The following GRM7 variants were observed in gnomAD, a reference collection of about 807,000 sequenced individuals.
GRM7 encodes the protein glutamate metabotropic receptor 7, also known as metabotropic glutamate receptor 7.
GRM7 carries 35 observed loss-of-function variants against 84.5 expected under a neutral mutation model. The observed-to-expected ratio is 0.41, with a 90% CI of 0.32 to 0.55. The LOEUF (loss-of-function observed/expected upper bound fraction) is 0.55. Ranked by LOEUF, GRM7 falls within the 20% of genes least tolerant of loss-of-function variation. GRM7 has a pLI of 0.19. For synonymous variants in GRM7, 487 were observed against 455.1 expected, an observed-to-expected ratio of 1.07 and a Z score of -0.89; for missense variants, 1,003 against 1,194.6, an observed-to-expected ratio of 0.84 and a Z score of 2.36.
intron 4 of GRM7, among the ~76,000 whole-genome samples, chr3:7,359,255 T>TGTGTG (rs754428287): frequency 3.7e-5 from 5 of 136,512 alleles, no homozygotes; most frequent in Non-Finnish European, 4.7e-5. Context: ...TGTGTGTGTG[T>TGTGTG]TGTGGTTTTA....
chr3:7,098,541 G>T (rs998075992), intron 1 of GRM7, among the ~76,000 whole-genome samples: 2 of 151,786 alleles, frequency 1.3e-5, no homozygotes, highest in Non-Finnish European at 2.9e-5. Context: ...TATATCACTT[G>T]TCCCACATAT....
At chr3:6,927,583 GAA>G (rs924191806) in intron 1 of GRM7, among the ~76,000 whole-genome samples, 3 of 151,876 alleles carry the variant, frequency 2.0e-5, no homozygotes, top group African/African-American at 7.3e-5. Flanking sequence ...GAAAAATTTA[GAA>G]AAAAATATAC....
rs552589573 is a variant in GRM7 at position 7,706,639 on chromosome 3, T to C, written c.2698+26344T>C. Among the ~76,000 whole-genome samples, 325 of 152,316 alleles carry C rather than the reference T, an allele frequency of 2.1e-3. 1 individual carries two copies. The highest frequency in any genetic ancestry group is 6.8e-3 in the Middle Eastern group (2 of 294). ...GTGGAGTCCTGTCCACATGCAGTCATAGACATGTTACTTTCCTGTATCTTT... is the reference window on the plus strand; with the variant it reads ...GTGGAGTCCTGTCCACATGCAGTCACAGACATGTTACTTTCCTGTATCTTT... On this transcript the variant is annotated intron_variant, in intron 9 of 9. Coordinates refer to ENST00000357716, the MANE Select transcript of GRM7 (RefSeq NM_000844.4).
At chr3:7,645,797 C>T (rs978538465) in intron 8 of GRM7, among the ~76,000 whole-genome samples, 2 of 152,096 alleles carry the variant, frequency 1.3e-5, no homozygotes, top group African/African-American at 4.8e-5. Flanking sequence ...CATTTAGCCC[C>T]CACAGGTGGT....
At chr3:7,139,545 C>T (rs186261009) in intron 1 of GRM7, among the ~76,000 whole-genome samples, 2 of 151,774 alleles carry the variant, frequency 1.3e-5, no homozygotes, top group African/African-American at 2.4e-5. Flanking sequence ...CATATGAGAG[C>T]GTGAATTCAT....
Position 7,475,033 on chromosome 3 carries a change from A to T in GRM7, c.1515+13311A>T, listed in dbSNP as rs564278766. ...GTGGATTCCTTACAAACTCCTCAAC[A>T]AATACACAACTATTCAGTTGTAGGG... On this transcript the variant is annotated intron_variant, in intron 7 of 9. Transcript: ENST00000357716. Among the ~76,000 whole-genome samples, 7 of 152,326 alleles carry T rather than the reference A, an allele frequency of 4.6e-5. No individual in the cohort carries two copies. In the South Asian group the frequency reaches 1.5e-3, roughly 32 times the overall value.
chr3:7,403,113 T>A (rs1695520842), intron 4 of GRM7: 1 of 431,334 alleles, frequency 2.3e-6, no homozygotes, highest in African/African-American at 2.0e-5. Flanking sequence ...AACGTGAAGC[T>A]TCTACAATGC....
At chr3:7,424,513 C>A (rs964346194) in intron 5 of GRM7, among the ~76,000 whole-genome samples, 6 of 152,074 alleles carry the variant, frequency 3.9e-5, no homozygotes, top group Admixed American at 1.3e-4. Context: ...GTAAGTAATG[C>A]CCTGTTTTTA....
intron 2 of GRM7, among the ~76,000 whole-genome samples, chr3:7,196,286 G>A (rs1695876476): frequency 6.6e-6 from 1 of 152,088 alleles, no homozygotes; most frequent in Non-Finnish European, 1.5e-5. Context: ...AGGACAATTT[G>A]CTCTACTCAA....
intron 2 of GRM7, among the ~76,000 whole-genome samples, chr3:7,196,468 A>T: frequency 6.6e-6 from 1 of 152,062 alleles, no homozygotes; most frequent in East Asian, 1.9e-4. Context: ...TCTCAGCTTC[A>T]TCTTGGACCA....
At chr3:7,556,910 G>A (rs554990022) in intron 7 of GRM7, among the ~76,000 whole-genome samples, 26 of 152,252 alleles carry the variant, frequency 1.7e-4, no homozygotes, top group South Asian at 1.0e-3. Flanking sequence ...GCTCAGCTAT[G>A]GTAAACCTCT....
chr3:7,330,422 A>C (rs1246596020), intron 4 of GRM7, among the ~76,000 whole-genome samples: 1 of 152,118 alleles, frequency 6.6e-6, no homozygotes, highest in African/African-American at 2.4e-5. Flanking sequence ...TGTAACAGCC[A>C]TACAGGCTTA....
intron 5 of GRM7, among the ~76,000 whole-genome samples, chr3:7,446,814 A>G (rs1288353352): frequency 6.6e-6 from 1 of 151,956 alleles, no homozygotes; most frequent in African/African-American, 2.4e-5. Flanking sequence ...CATTTTCCAT[A>G]TCTTTTTTAT....
chr3:7,301,718 A>G (rs1700007737), intron 3 of GRM7, among the ~76,000 whole-genome samples: 1 of 152,180 alleles, frequency 6.6e-6, no homozygotes. Context: ...AATAGTGATG[A>G]CAATAATTAT....
intron 5 of GRM7, among the ~76,000 whole-genome samples, chr3:7,443,795 A>G (rs1414142438): frequency 1.3e-5 from 2 of 152,178 alleles, no homozygotes; most frequent in Non-Finnish European, 2.9e-5. Flanking sequence ...ATAAGAAATG[A>G]GAGTAGTTAT....
intron 7 of GRM7, among the ~76,000 whole-genome samples, chr3:7,540,489 A>G (rs1009180344): frequency 6.6e-6 from 1 of 152,210 alleles, no homozygotes; most frequent in African/African-American, 2.4e-5. Flanking sequence ...CAAAAAACAT[A>G]TATGAATTCA....
chr3:7,729,042 CTT>C (rs5846541), intron 9 of GRM7, among the ~76,000 whole-genome samples: 1,045 of 55,838 alleles, frequency 0.019, 3 homozygotes, highest in Admixed American at 0.031. Flanking sequence ...TGCCCTCAGG[CTT>C]TTTTTTTTTT....
intron 5 of GRM7, among the ~76,000 whole-genome samples, chr3:7,443,809 T>C (rs1053711619): frequency 6.6e-5 from 10 of 152,204 alleles, no homozygotes; most frequent in Non-Finnish European, 1.3e-4. Context: ...TAGTTATATT[T>C]AGAAGAGGGA....
chr3:7,089,717 T>G (rs192006705), intron 1 of GRM7, among the ~76,000 whole-genome samples: 1 of 152,178 alleles, frequency 6.6e-6, no homozygotes, highest in Non-Finnish European at 1.5e-5. Flanking sequence ...ACATTTTTAG[T>G]TGTCAAAGAG....
Sources: gnomAD v4.1 joint callset for allele counts (sites outside exome capture counted in the v4.1 genomes callset) on GRCh38, gnomAD v4.1.1 for gene constraint, MANE v1.5 for transcripts, NCBI Gene and HGNC (gene_info 2026-07-23, HGNC 2026-07-21) for gene names.